Variants in SCARA5 observed in about 807,000 individuals in gnomAD.
The protein encoded by SCARA5 is scavenger receptor class A member 5.
In SCARA5, 45 loss-of-function variants were observed where a neutral mutation model predicts 46.3. That is an observed-to-expected ratio of 0.97 (90% CI 0.76 to 1.24). SCARA5 has a LOEUF of 1.24. Ranked by LOEUF, SCARA5 falls within the 50% of genes most tolerant of loss-of-function variation. The pLI, the probability that SCARA5 is intolerant of heterozygous loss-of-function variation, is 0.00. For missense variants in SCARA5, 680 were observed against 689.0 expected (o/e 0.99, Z 0.15); for synonymous variants, 333 against 306.5 (o/e 1.09, Z -0.90).
intron 7 of SCARA5, among the ~76,000 whole-genome samples, chr8:27,900,073 G>A (rs940971847): frequency 4.6e-5 from 7 of 152,066 alleles, no homozygotes; most frequent in Non-Finnish European, 1.0e-4. Context: ...AGGAGGCGGA[G>A]GTTGCAGTGA....
chr8:27,921,934 G>T lies in SCARA5; in HGVS notation c.553C>A (p.Leu185Ile), dbSNP rs1368442993. 1.3e-6 allele frequency: 2 copies of T among 1,537,000 alleles called. No individual in the cohort carries two copies. Among genetic ancestry groups the T allele is most frequent in the East Asian group, 2.4e-5 (1 of 41,166 alleles). The change falls in exon 4 of 9, where the codon CTC (leucine) becomes ATC (isoleucine). Residue 185 changes from leucine (L) to isoleucine (I), a missense_variant. Leu to Ile is a conservative substitution (Grantham distance 5, BLOSUM62 2). Transcript: ENST00000354914. ...TTGCTCTCCACCTGCAGCTGGTAGA[G>T]CTCCAGCTGCGCCGTGTCGCTCTGC... Reference protein sequence around the residue: ...GQQSDTAQLELYQLQVESNSS... With the variant: ...GQQSDTAQLEIYQLQVESNSS...
At chr8:27,923,581 T>A (rs144904637) in intron 3 of SCARA5, among the ~76,000 whole-genome samples, 1 of 152,348 alleles carries the variant, frequency 6.6e-6, no homozygotes, top group East Asian at 1.9e-4. Flanking sequence ...TGTTTTGTTT[T>A]GTTTTTTGAG....
In SCARA5 at chr8:27,871,768, G is replaced by C; in HGVS notation, c.*166C>G. ...ATACTTCGGAGCACATGTTCAAGAG[G>C]GAAATGACGACCGGCCCCCACGGTC... is the stretch of plus-strand genomic sequence containing the variant. On this transcript the variant is annotated 3_prime_UTR_variant, in exon 9 of 9. Transcript: ENST00000354914. 6.9e-7 allele frequency: 1 copy of C among 1,456,882 alleles called. No individual in the cohort carries two copies. The highest frequency in any genetic ancestry group is 9.0e-7 in the Non-Finnish European group (1 of 1,106,980). 90.2% of individuals were successfully genotyped at this position (1,456,882 alleles called of 1,614,324 possible). A position where few individuals can be genotyped will look rare whatever the true frequency, so the allele number is the denominator to read the frequency against.
intron 8 of SCARA5, 34 bp downstream of exon 8, chr8:27,879,535 T>A: frequency 6.3e-7 from 1 of 1,591,804 alleles, no homozygotes; most frequent in Non-Finnish European, 8.5e-7. Flanking sequence ...GTGCAGGCCC[T>A]CTCCTCATGT....
intron 3 of SCARA5, among the ~76,000 whole-genome samples, chr8:27,944,366 C>G (rs1807999427): frequency 6.6e-6 from 1 of 152,128 alleles, no homozygotes; most frequent in Non-Finnish European, 1.5e-5. Flanking sequence ...CTTGTAAATA[C>G]ACACTAACAT....
At chr8:27,944,901 C>A (rs1230357516) in intron 3 of SCARA5, among the ~76,000 whole-genome samples, 1 of 152,002 alleles carries the variant, frequency 6.6e-6, no homozygotes, top group Non-Finnish European at 1.5e-5. Flanking sequence ...CGCTGTGACT[C>A]ATGCTTGTAA....
At chr8:27,950,813 G>A (rs1359097667) in intron 3 of SCARA5, among the ~76,000 whole-genome samples, 10 of 149,148 alleles carry the variant, frequency 6.7e-5, no homozygotes, top group Non-Finnish European at 1.2e-4. Flanking sequence ...CAGCACCTCT[G>A]TACCCATTCA....
At chr8:27,991,686 T>C (rs1215529506) in intron 1 of SCARA5, among the ~76,000 whole-genome samples, 1 of 152,182 alleles carries the variant, frequency 6.6e-6, no homozygotes, top group Non-Finnish European at 1.5e-5. Flanking sequence ...GTGGCCCTTC[T>C]CCAAAGAGAG....
chr8:27,946,632 C>T (rs1808042093), intron 3 of SCARA5, among the ~76,000 whole-genome samples: 2 of 152,316 alleles, frequency 1.3e-5, no homozygotes, highest in South Asian at 4.1e-4. Flanking sequence ...TAAGAGACAA[C>T]CCAGCCAGCC....
chr8:27,987,695 T>A lies in SCARA5; in HGVS notation c.-15-65A>T, dbSNP rs999293980. On this transcript the variant is annotated intron_variant, in intron 1 of 8. Coordinates refer to ENST00000354914, the MANE Select transcript of SCARA5 (RefSeq NM_173833.6). Reference sequence around the variant, plus strand: ...GCCGGGAGAGAGACAGAGAATCAACTGTAGGTGGAAACAGAAGCAAATGGA... The same window carrying A: ...GCCGGGAGAGAGACAGAGAATCAACAGTAGGTGGAAACAGAAGCAAATGGA... The A allele has an allele frequency of 3.1e-6, 3 of 963,694 alleles. No individual in the cohort carries two copies. In the Admixed American group the frequency reaches 5.3e-5, roughly 17 times the overall value. The allele number at this position is 963,694 out of a possible 1,614,324, so 59.7% of individuals were successfully genotyped here. A position where few individuals can be genotyped will look rare whatever the true frequency, so the allele number is the denominator to read the frequency against.
At chr8:27,941,076 GA>G in intron 3 of SCARA5, among the ~76,000 whole-genome samples, 1 of 151,766 alleles carries the variant, frequency 6.6e-6, no homozygotes, top group East Asian at 1.9e-4. Flanking sequence ...AAATTCTGAT[GA>G]TAACTTTTAA....
At chr8:27,938,650 A>G (rs1807893897) in intron 3 of SCARA5, among the ~76,000 whole-genome samples, 1 of 152,214 alleles carries the variant, frequency 6.6e-6, no homozygotes, top group African/African-American at 2.4e-5. Flanking sequence ...ACAATGAATC[A>G]GTACACGGAG....
chr8:27,978,869 G>C (rs1440432795), intron 2 of SCARA5, among the ~76,000 whole-genome samples: 1 of 151,974 alleles, frequency 6.6e-6, no homozygotes, highest in Non-Finnish European at 1.5e-5. Flanking sequence ...GCCTCCCACA[G>C]ACCATGCATC....
At chr8:27,976,756 C>T (rs781266539) in intron 2 of SCARA5, among the ~76,000 whole-genome samples, 8 of 152,150 alleles carry the variant, frequency 5.3e-5, no homozygotes, top group African/African-American at 9.7e-5. Context: ...CTGCTACTTA[C>T]GCACGAAAAA....
At chr8:27,914,002 C>T (rs1034491908) in intron 4 of SCARA5, among the ~76,000 whole-genome samples, 3 of 152,356 alleles carry the variant, frequency 2.0e-5, no homozygotes, top group African/African-American at 7.2e-5. Context: ...CAAATCTCAT[C>T]TTGAACTGTA....
Position 27,920,974 on chromosome 8 carries a change from TCAAAAAAACAGAAAA to T in SCARA5, c.916+582_916+596del, listed in dbSNP as rs543240855. On this transcript the variant is annotated intron_variant, in intron 4 of 8. Coordinates refer to ENST00000354914, the MANE Select transcript of SCARA5 (RefSeq NM_173833.6). ...CTGGGCTACAGAGCGAGACTCCGTC[TCAAAAAAACAGAAAA>T]CAAAAAAACAAAATACAAAACAAAC... Among the ~76,000 whole-genome samples the T allele has an allele frequency of 3.6e-4, 54 of 151,704 alleles. No homozygotes were observed. In the East Asian group the frequency reaches 7.6e-3, roughly 21 times the overall value.
chr8:27,905,862 C>T (rs554497291), intron 6 of SCARA5, among the ~76,000 whole-genome samples: 22 of 152,114 alleles, frequency 1.4e-4, no homozygotes, highest in African/African-American at 5.3e-4. Context: ...AGGTGTGCCC[C>T]AACATGCCTG....
chr8:27,923,101 A>G (rs1349038269), intron 3 of SCARA5, among the ~76,000 whole-genome samples: 1 of 152,246 alleles, frequency 6.6e-6, no homozygotes, highest in East Asian at 1.9e-4. Context: ...AGCTATTAGC[A>G]TTGCCCAGGG....
chr8:27,920,631 A>C (rs55829013), intron 4 of SCARA5, among the ~76,000 whole-genome samples: 47,744 of 146,466 alleles, frequency 0.33, 8,063 homozygotes, highest in East Asian at 0.37. Flanking sequence ...AAAAACCAAA[A>C]CAAAACAAAA....
Sources: gnomAD v4.1 joint callset for allele counts (sites outside exome capture counted in the v4.1 genomes callset) on GRCh38, gnomAD v4.1.1 for gene constraint, MANE v1.5 for transcripts, NCBI Gene and HGNC (gene_info 2026-07-23, HGNC 2026-07-21) for gene names.